Variants in TXNRD1 observed in about 807,000 individuals in gnomAD.
TXNRD1 encodes thioredoxin reductase 1.
In TXNRD1, 57 loss-of-function variants were observed where a neutral mutation model predicts 80.3. The observed-to-expected ratio is 0.71, with a 90% CI of 0.57 to 0.89. The LOEUF (loss-of-function observed/expected upper bound fraction) is 0.89. TXNRD1 is among the 40% of genes least tolerant of loss of function. The pLI, the probability that TXNRD1 is intolerant of heterozygous loss-of-function variation, is 0.00. For synonymous variants in TXNRD1, 291 were observed against 285.2 expected (o/e 1.02, Z -0.20); for missense variants, 730 against 803.0 (o/e 0.91, Z 1.10).
chr12:104,266,511 C>T (rs1241495862), intron 3 of TXNRD1, among the ~76,000 whole-genome samples: 3 of 104,796 alleles, frequency 2.9e-5, no homozygotes, highest in Admixed American at 2.6e-4. Flanking sequence ...GGTGACAGAG[C>T]GAGAATTCAT....
chr12:104,339,279 T>G lies in TXNRD1; in HGVS notation c.1881+6T>G. 1.2e-6 allele frequency: 2 copies of G among 1,613,384 alleles called. No individual in the cohort carries two copies. Among genetic ancestry groups the G allele is most frequent in the Admixed American group, 1.7e-5 (1 of 59,992 alleles). ...TCCACCCTGTCTGTGCAGAGGTGGG[T>G]CATCTACACTTATACAGTTTAAAAT... On this transcript the variant is annotated splice_donor_region_variant and intron_variant, in intron 16 of 16. Coordinates refer to ENST00000525566, the MANE Select transcript of TXNRD1 (RefSeq NM_001093771.3).
intron 3 of TXNRD1, among the ~76,000 whole-genome samples, chr12:104,285,739 A>G (rs1196813535): frequency 1.3e-5 from 2 of 152,208 alleles, no homozygotes; most frequent in Admixed American, 6.5e-5. Context: ...ATATAAAATT[A>G]TTAATACAGA....
chr12:104,291,875 T>G (rs986686949), intron 4 of TXNRD1, among the ~76,000 whole-genome samples: 55 of 152,198 alleles, frequency 3.6e-4, no homozygotes, highest in Non-Finnish European at 8.8e-5. Context: ...TTTCAGCCAA[T>G]TATTGCCCAC....
chr12:104,339,264 C>G lies in TXNRD1; in HGVS notation c.1872C>G (p.Val624=), dbSNP rs768321437. 9.3e-6 allele frequency: 15 copies of G among 1,613,608 alleles called. No homozygotes were observed. The African/African-American group carries it at 1.9e-4, about 20-fold the overall frequency. The change falls in exon 16 of 17, where the codon GTC becomes GTG. Residue 624 remains valine (V), a synonymous_variant. Transcript: ENST00000525566. ...QLDSTIGIHP[V]CAEVFTTLSV... ...ACAGCACAATTGGAATCCACCCTGT[C>G]TGTGCAGAGGTGGGTCATCTACACT...
chr12:104,328,832 A>G lies in TXNRD1; in HGVS notation c.1542+1161A>G, dbSNP rs557936237. Among the ~76,000 whole-genome samples the G allele has an allele frequency of 1.4e-4, 21 of 152,272 alleles. No homozygotes were observed. In the South Asian group the frequency reaches 4.1e-3, roughly 30 times the overall value. ...TATGTTAAATGTTATATTGAATTTT[A>G]AAATGATTTTTTAAAAGTCAGTATA... On this transcript the variant is annotated intron_variant, in intron 13 of 16. Transcript: ENST00000525566.
At chr12:104,296,688 G>A (rs926318617) in intron 4 of TXNRD1, among the ~76,000 whole-genome samples, 2 of 152,198 alleles carry the variant, frequency 1.3e-5, no homozygotes, top group African/African-American at 4.8e-5. Flanking sequence ...AATAGATCGT[G>A]GTAGGGCCAG....
chr12:104,245,698 C>T (rs962222697), intron 1 of TXNRD1, among the ~76,000 whole-genome samples: 2 of 149,400 alleles, frequency 1.3e-5, no homozygotes, highest in Non-Finnish European at 3.0e-5. Flanking sequence ...GTTTTTGACC[C>T]ACACTGTCAA....
intron 4 of TXNRD1, among the ~76,000 whole-genome samples, chr12:104,295,521 G>C (rs1282979408): frequency 6.6e-6 from 1 of 152,136 alleles, no homozygotes; most frequent in African/African-American, 2.4e-5. Context: ...CCAGGGTCTA[G>C]CCCCAACCTG....
chr12:104,333,300 C>A (rs2036023379), intron 14 of TXNRD1, among the ~76,000 whole-genome samples: 1 of 151,618 alleles, frequency 6.6e-6, no homozygotes, highest in Non-Finnish European at 1.5e-5. Flanking sequence ...TTTCATATTT[C>A]TTGATAGACA....
At chr12:104,294,623 A>G (rs112434460) in intron 4 of TXNRD1, among the ~76,000 whole-genome samples, 5,901 of 152,322 alleles carry the variant, frequency 0.039, 166 homozygotes, top group Middle Eastern at 0.12. Context: ...ATACTGGAAC[A>G]GCTCGTGTCC....
At chr12:104,243,436 T>C (rs952591554) in intron 1 of TXNRD1, among the ~76,000 whole-genome samples, 1 of 152,222 alleles carries the variant, frequency 6.6e-6, no homozygotes, top group Non-Finnish European at 1.5e-5. Context: ...CTTGGGTCTC[T>C]TATGGAGTAA....
chr12:104,257,469 C>T (rs1447641660), intron 2 of TXNRD1, among the ~76,000 whole-genome samples: 1 of 132,512 alleles, frequency 7.5e-6, no homozygotes, highest in African/African-American at 2.9e-5. Context: ...TGCAGTGGTA[C>T]AATCCTGGCT....
intron 1 of TXNRD1, among the ~76,000 whole-genome samples, chr12:104,243,274 C>T (rs2032913104): frequency 6.6e-6 from 1 of 152,166 alleles, no homozygotes; most frequent in Middle Eastern, 3.4e-3. Context: ...TTTAGTCTTC[C>T]TTCCGTGTGT....
chr12:104,237,926 G>A lies in TXNRD1; in HGVS notation c.92-13601G>A, dbSNP rs928557303. Among the ~76,000 whole-genome samples, 3 of 152,016 alleles carry A rather than the reference G, an allele frequency of 2.0e-5. No homozygotes were observed. In the East Asian group the frequency reaches 5.8e-4, roughly 29 times the overall value. On this transcript the variant is annotated intron_variant, in intron 1 of 16. Transcript: ENST00000525566. Reference sequence around the variant, plus strand: ...CTCGGGAGGCTGAGGCAGAAGAATCGCTTGAACCCACGAGGCTGAGGTTGC... The same window carrying A: ...CTCGGGAGGCTGAGGCAGAAGAATCACTTGAACCCACGAGGCTGAGGTTGC...
chr12:104,282,619 T>TTA (rs71440534), intron 3 of TXNRD1, among the ~76,000 whole-genome samples: 3 of 151,228 alleles, frequency 2.0e-5, no homozygotes, highest in African/African-American at 7.3e-5. Flanking sequence ...CAGAAAAGCT[T>TTA]TGTGTGTGTG....
At chr12:104,262,769 CTTGT>C (rs2033394761) in intron 3 of TXNRD1, among the ~76,000 whole-genome samples, 1 of 135,386 alleles carries the variant, frequency 7.4e-6, no homozygotes, top group African/African-American at 2.7e-5. Context: ...AGGAATTAGA[CTTGT>C]TTGTGTTTTT....
intron 13 of TXNRD1, among the ~76,000 whole-genome samples, chr12:104,331,181 A>G (rs563882350): frequency 3.3e-5 from 5 of 152,262 alleles, no homozygotes; most frequent in African/African-American, 1.2e-4. Context: ...TTTATCACTG[A>G]TAATCCAAAA....
chr12:104,255,521 G>A (rs1197152337), intron 2 of TXNRD1, among the ~76,000 whole-genome samples: 4 of 152,112 alleles, frequency 2.6e-5, no homozygotes, highest in South Asian at 2.1e-4. Flanking sequence ...ACAGTTGCCC[G>A]AGCGCAGTGA....
At position 104,340,242 on chromosome 12, in the gene TXNRD1, C is replaced by T. The variant is rs1013783248; in HGVS notation, c.1881+969C>T. 2.6e-5 allele frequency among the ~76,000 whole-genome samples: 4 copies of T among 152,006 alleles called. No homozygotes were observed. In the South Asian group the frequency reaches 8.3e-4, roughly 31 times the overall value. On this transcript the variant is annotated intron_variant, in intron 16 of 16. Coordinates refer to ENST00000525566, the MANE Select transcript of TXNRD1 (RefSeq NM_001093771.3). ...TTATAGAAAGCTGCTGTTTTTGTGACGGAAATAGAATTAAGCTTCAAAAAA... is the reference window on the plus strand; with the variant it reads ...TTATAGAAAGCTGCTGTTTTTGTGATGGAAATAGAATTAAGCTTCAAAAAA...
Sources: gnomAD v4.1 joint callset for allele counts (sites outside exome capture counted in the v4.1 genomes callset) on GRCh38, gnomAD v4.1.1 for gene constraint, MANE v1.5 for transcripts, NCBI Gene and HGNC (gene_info 2026-07-23, HGNC 2026-07-21) for gene names.